The following ASB7 variants were observed in gnomAD, a reference collection of about 807,000 sequenced individuals.
ASB7 encodes the protein ankyrin repeat and SOCS box protein 7.
Under a neutral mutation model 32.5 loss-of-function variants are expected in ASB7, and 4 were observed. That is an observed-to-expected ratio of 0.12 (90% CI 0.06 to 0.28). ASB7 has a LOEUF of 0.28. ASB7 is among the 10% of genes least tolerant of loss of function. ASB7 has a pLI of 1.00. For missense variants in ASB7, 181 were observed against 407.1 expected (o/e 0.44, Z 4.78); for synonymous variants, 172 against 155.6 (o/e 1.11, Z -0.78).
intron 4 of ASB7, 186 bp downstream of exon 4, chr15:100,612,613 A>T (rs1282042081): frequency 1.6e-6 from 1 of 630,382 alleles, no homozygotes; most frequent in East Asian, 2.8e-5. Flanking sequence ...TTAAAAGATC[A>T]GTTTTATGAA....
chr15:100,627,456 C>A (rs1179770237), intron 4 of ASB7, among the ~76,000 whole-genome samples: 1 of 152,204 alleles, frequency 6.6e-6, no homozygotes, highest in East Asian at 1.9e-4. Flanking sequence ...TACCTTATTT[C>A]ATGGGCTAAT....
At position 100,629,663 on chromosome 15, in the gene ASB7, C is replaced by G. The variant is rs914180959; in HGVS notation, c.438C>G (p.Leu146=). The change falls in exon 5 of 6, where the codon CTC becomes CTG. Residue 146 remains leucine (L), a synonymous_variant. Coordinates refer to ENST00000332783, the MANE Select transcript of ASB7 (RefSeq NM_198243.3). This position sits in a 1 kb window ranked among gnomAD's most constrained non-coding sequence, Gnocchi z 6.8. ...LLEFKAEVDP[L]SDKGTTPLQL... ...AGTTCAAGGCTGAGGTTGACCCACT[C>G]AGTGATAAAGGTACCACACCGCTTC... is the stretch of plus-strand genomic sequence containing the variant. The G allele has an allele frequency of 6.2e-6, 10 of 1,614,072 alleles. No individual in the cohort carries two copies. The highest frequency in any genetic ancestry group is 8.5e-6 in the Non-Finnish European group (10 of 1,180,044).
intron 4 of ASB7, among the ~76,000 whole-genome samples, chr15:100,623,325 C>T (rs28811658): frequency 0.3 from 45,887 of 152,088 alleles, 7,103 homozygotes; most frequent in Middle Eastern, 0.36. Context: ...ATCGCTTGAA[C>T]CTGGGAGGCA....
chr15:100,629,909 G>A lies in ASB7; in HGVS notation c.684G>A (p.Leu228=), dbSNP rs2039870975. ...TATCTGCCCTTAGGGATGATGTGCT[G>A]TGTGCACGGATGTTATATAATTACG... ...LHLSALRDDV[L]CARMLYNYGA... The change falls in exon 5 of 6, where the codon CTG becomes CTA. Residue 228 remains leucine (L), a synonymous_variant. Transcript: ENST00000332783. The surrounding 1 kb of genome is among the most constrained non-coding windows in gnomAD (Gnocchi z 6.8). 6.2e-7 allele frequency: 1 copy of A among 1,614,172 alleles called. No homozygotes were observed. The highest frequency in any genetic ancestry group is 8.5e-7 in the Non-Finnish European group (1 of 1,180,020).
Position 100,649,748 on chromosome 15 carries a change from A to G in ASB7, c.*1286A>G, listed in dbSNP as rs1455488652. The G allele has an allele frequency of 6.6e-6, 1 of 152,268 alleles. No homozygotes were observed. The highest frequency in any genetic ancestry group is 2.4e-5 in the African/African-American group (1 of 41,476). 9.4% of individuals were successfully genotyped at this position (152,268 alleles called of 1,614,324 possible). On this transcript the variant is annotated 3_prime_UTR_variant, in exon 6 of 6. Transcript: ENST00000332783. The stretch of plus-strand genomic sequence containing the variant: ...AGGTCCCAGAGGCATTAGGCATCTA[A>G]GAGGATGCCCTCAGAAACGTATTCT...
At chr15:100,610,124 C>G (rs1173229376) in intron 3 of ASB7, among the ~76,000 whole-genome samples, 2 of 152,274 alleles carry the variant, frequency 1.3e-5, no homozygotes, top group Non-Finnish European at 2.9e-5. Flanking sequence ...TAAGCAAAAA[C>G]CTATTCTGAA....
chr15:100,611,484 C>CTTTTT lies in ASB7; in HGVS notation c.-51-673_-51-669dup, dbSNP rs61153969. Among the ~76,000 whole-genome samples the CTTTTT allele has an allele frequency of 1.0e-3, 77 of 77,152 alleles. 19 individuals carry two copies. The highest frequency in any genetic ancestry group is 2.9e-3 in the African/African-American group (59 of 20,458). The allele number at this position is 77,152 out of a possible 152,430, so 50.6% of individuals were successfully genotyped here. A position where few individuals can be genotyped will look rare whatever the true frequency, so the allele number is the denominator to read the frequency against. On this transcript the variant is annotated intron_variant, in intron 3 of 5. Coordinates refer to ENST00000332783, the MANE Select transcript of ASB7 (RefSeq NM_198243.3). The stretch of plus-strand genomic sequence containing the variant: ...GGTTAATCACCAGATTGTTTCGATT[C>CTTTTT]TTTTTTTTTTTTTGAGACAGAATTT...
chr15:100,640,392 G>T (rs1317448408), intron 5 of ASB7, among the ~76,000 whole-genome samples: 1 of 152,126 alleles, frequency 6.6e-6, no homozygotes, highest in African/African-American at 2.4e-5. Context: ...TGATCTGCCC[G>T]CCTTAGCCTC....
intron 4 of ASB7, among the ~76,000 whole-genome samples, chr15:100,618,635 G>A (rs1597001799): frequency 6.6e-6 from 1 of 151,962 alleles, no homozygotes; most frequent in East Asian, 1.9e-4. Flanking sequence ...GTGTGTGTGT[G>A]TGTGTGTGTG....
At chr15:100,615,797 CA>C (rs536807956) in intron 4 of ASB7, among the ~76,000 whole-genome samples, 284 of 152,322 alleles carry the variant, frequency 1.9e-3, no homozygotes, top group African/African-American at 6.1e-3. Context: ...TTTCACATAA[CA>C]GTTAATTTCG....
Position 100,623,858 on chromosome 15 carries a change from A to G in ASB7, c.212-5579A>G, listed in dbSNP as rs117583535. Among the ~76,000 whole-genome samples the G allele has an allele frequency of 3.5e-3, 533 of 152,358 alleles. 8 individuals carry two copies. The East Asian group carries it at 0.053, about 15-fold the overall frequency. On this transcript the variant is annotated intron_variant, in intron 4 of 5. Transcript: ENST00000332783. ...CCCACTACTGAGTATCCAAAAGAAA[A>G]GAAATCAGTATATCAAAGGAATACC... is the stretch of plus-strand genomic sequence containing the variant.
intron 4 of ASB7, among the ~76,000 whole-genome samples, chr15:100,623,166 A>G (rs1201692038): frequency 2.0e-5 from 3 of 152,350 alleles, no homozygotes; most frequent in Non-Finnish European, 2.9e-5. Flanking sequence ...TGGGAGGCTG[A>G]GGTGGGTGGA....
chr15:100,626,431 G>C (rs913246512), intron 4 of ASB7, among the ~76,000 whole-genome samples: 4 of 152,184 alleles, frequency 2.6e-5, no homozygotes, highest in African/African-American at 9.7e-5. Context: ...TAGAATGAGT[G>C]AAATTAAAAT....
intron 4 of ASB7, among the ~76,000 whole-genome samples, chr15:100,624,295 G>A (rs2039818628): frequency 6.6e-6 from 1 of 152,206 alleles, no homozygotes; most frequent in Admixed American, 6.5e-5. Flanking sequence ...GTAGCTGCAA[G>A]AGAAGACTTG....
At chr15:100,646,373 C>T in intron 5 of ASB7, 1 of 380,092 alleles carries the variant, frequency 2.6e-6, no homozygotes, top group South Asian at 2.3e-5. Flanking sequence ...ACACTTCATT[C>T]TGGTTGGGGT....
At chr15:100,631,382 G>C (rs1421048608) in intron 5 of ASB7, among the ~76,000 whole-genome samples, 1 of 152,196 alleles carries the variant, frequency 6.6e-6, no homozygotes, top group Non-Finnish European at 1.5e-5. Flanking sequence ...ACACAGATCT[G>C]CCTGCCTTGG....
At chr15:100,608,496 C>T (rs1171428263) in intron 2 of ASB7, among the ~76,000 whole-genome samples, 3 of 152,132 alleles carry the variant, frequency 2.0e-5, no homozygotes, top group South Asian at 2.1e-4. Flanking sequence ...CAGTTATTCC[C>T]TCTTTGGCTA....
At chr15:100,605,586 A>T (rs1352225190) in intron 2 of ASB7, among the ~76,000 whole-genome samples, 2 of 152,196 alleles carry the variant, frequency 1.3e-5, no homozygotes, top group Admixed American at 1.3e-4. Context: ...ACCATCCCTA[A>T]AAAGTCTAAA....
intron 5 of ASB7, among the ~76,000 whole-genome samples, chr15:100,635,904 A>G (rs967060365): frequency 1.1e-4 from 16 of 152,166 alleles, no homozygotes; most frequent in African/African-American, 3.9e-4. Flanking sequence ...GGCCTTTGTC[A>G]TGGAGAAGGT....
Sources: gnomAD v4.1 joint callset for allele counts (sites outside exome capture counted in the v4.1 genomes callset) on GRCh38, gnomAD v4.1.1 for gene constraint, Gnocchi (gnomAD v3.1) non-coding constraint, MANE v1.5 for transcripts, NCBI Gene and HGNC (gene_info 2026-07-23, HGNC 2026-07-21) for gene names.